The following PMF1 variants were observed in gnomAD, a reference collection of about 807,000 sequenced individuals.
The protein encoded by PMF1 is polyamine modulated factor 1, also known as polyamine-modulated factor 1.
PMF1 carries 21 observed loss-of-function variants against 26.7 expected under a neutral mutation model. The observed-to-expected ratio is 0.79, with a 90% CI of 0.56 to 1.13. The LOEUF is 1.13. Ranked by LOEUF, PMF1 falls within the 50% of genes most tolerant of loss-of-function variation. PMF1 has a pLI of 0.00. For missense variants in PMF1, 266 were observed against 254.9 expected (o/e 1.04, Z -0.30); for synonymous variants, 105 against 101.0 (o/e 1.04, Z -0.24).
At chr1:156,218,082 G>A (rs1657877116) in intron 1 of PMF1, among the ~76,000 whole-genome samples, 1 of 152,288 alleles carries the variant, frequency 6.6e-6, no homozygotes, top group South Asian at 2.1e-4. Context: ...GTGTGAAAGC[G>A]GTATCTTGTT....
intron 1 of PMF1, among the ~76,000 whole-genome samples, chr1:156,227,054 T>C (rs1658407680): frequency 6.6e-6 from 1 of 152,104 alleles, no homozygotes; most frequent in African/African-American, 2.4e-5. Flanking sequence ...AGTCACCCAG[T>C]CTACAGAGCG....
chr1:156,238,234 G>A (rs1659150694), intron 4 of PMF1, among the ~76,000 whole-genome samples: 1 of 152,144 alleles, frequency 6.6e-6, no homozygotes, highest in Non-Finnish European at 1.5e-5. Context: ...TGTTCTTTGT[G>A]CTCAGGATTA....
intron 1 of PMF1, among the ~76,000 whole-genome samples, chr1:156,221,260 TACTC>T (rs1572485026): frequency 6.6e-6 from 1 of 152,216 alleles, no homozygotes. Flanking sequence ...GCTGCACTCA[TACTC>T]ACTCATACTG....
At chr1:156,223,203 C>T (rs544716860) in intron 1 of PMF1, 3 of 152,270 alleles carry the variant, frequency 2.0e-5, no homozygotes, top group Non-Finnish European at 2.9e-5. Context: ...TGTTTCCAGA[C>T]CATCCACCTC....
At chr1:156,230,209 C>G (rs1558194611) in intron 1 of PMF1, among the ~76,000 whole-genome samples, 2 of 152,342 alleles carry the variant, frequency 1.3e-5, no homozygotes, top group East Asian at 1.9e-4. Flanking sequence ...AAGGAGCATC[C>G]TGACCTACAG....
chr1:156,235,329 G>A (rs1451442894), intron 3 of PMF1, among the ~76,000 whole-genome samples: 1 of 150,520 alleles, frequency 6.6e-6, no homozygotes, highest in Non-Finnish European at 1.5e-5. Flanking sequence ...TCACCATGTT[G>A]GCCAGGCTGG....
In PMF1 at chr1:156,239,546, AG is replaced by A; in HGVS notation, c.565del. ...TTGTCTGTTGTCTCCCATTGATTTC[AG>A]GCTCTACACAGAGAACAGAGGGAGC... On this transcript the variant is annotated splice_acceptor_variant, in intron 4 of 4. Coordinates refer to ENST00000368277, the MANE Select transcript of PMF1 (RefSeq NM_007221.4). LOFTEE classifies it high-confidence loss of function. 1.2e-6 allele frequency: 2 copies of A among 1,612,092 alleles called. No homozygotes were observed. The highest frequency in any genetic ancestry group is 1.7e-6 in the Non-Finnish European group (2 of 1,179,098).
Position 156,213,195 on chromosome 1 carries a change from C to T in PMF1, c.161+19C>T, listed in dbSNP as rs769724229. ...CCGGCAGGTAAAGTGGACGCAGCCGCGGTGGGAGTGTTTGTTGGCACCGAA... is the reference window on the plus strand; with the variant it reads ...CCGGCAGGTAAAGTGGACGCAGCCGTGGTGGGAGTGTTTGTTGGCACCGAA... On this transcript the variant is annotated intron_variant, in intron 1 of 4. Coordinates refer to ENST00000368277, the MANE Select transcript of PMF1 (RefSeq NM_007221.4). The T allele has an allele frequency of 2.2e-5, 36 of 1,609,484 alleles. No homozygotes were observed. Among genetic ancestry groups the T allele is most frequent in the Non-Finnish European group, 3.0e-5 (35 of 1,176,574 alleles).
intron 1 of PMF1, among the ~76,000 whole-genome samples, chr1:156,227,334 TCTTTACTAAAAATACAAAAATTAG>T (rs1658422192): frequency 6.6e-6 from 1 of 151,728 alleles, no homozygotes; most frequent in African/African-American, 2.4e-5. Context: ...TGAAACCCTG[TCTTTACTAAAAATACAAAAATTAG>T]CTGGGCGTGG....
chr1:156,238,182 C>A (rs535563013), intron 4 of PMF1, among the ~76,000 whole-genome samples: 2 of 152,280 alleles, frequency 1.3e-5, no homozygotes, highest in South Asian at 4.1e-4. Flanking sequence ...GTTACTAGAG[C>A]CTTGTACAAT....
chr1:156,231,311 C>T (rs1419000335), intron 1 of PMF1, among the ~76,000 whole-genome samples: 1 of 149,966 alleles, frequency 6.7e-6, no homozygotes, highest in Non-Finnish European at 1.5e-5. Flanking sequence ...CAAGAGGATC[C>T]CTTGAGCCCA....
intron 1 of PMF1, among the ~76,000 whole-genome samples, chr1:156,216,074 AG>A (rs1334735399): frequency 6.6e-6 from 1 of 152,110 alleles, no homozygotes; most frequent in Non-Finnish European, 1.5e-5. Context: ...TTCTTGGAGT[AG>A]ACATTCTGGT....
chr1:156,229,841 G>A (rs918683295), intron 1 of PMF1, among the ~76,000 whole-genome samples: 5 of 152,162 alleles, frequency 3.3e-5, no homozygotes, highest in African/African-American at 1.2e-4. Context: ...CCAAAGTGCT[G>A]AGATTACAGG....
chr1:156,214,288 C>T (rs921467076), intron 1 of PMF1, among the ~76,000 whole-genome samples: 2 of 152,140 alleles, frequency 1.3e-5, no homozygotes, highest in Non-Finnish European at 2.9e-5. Context: ...AGTGTTGAAA[C>T]GCTTCCAGGA....
At chr1:156,225,631 T>C in intron 1 of PMF1, 1 of 1,563,326 alleles carries the variant, frequency 6.4e-7, no homozygotes, top group Non-Finnish European at 8.7e-7. Context: ...AAACAGGCCT[T>C]CAGTTGGGCG....
At chr1:156,236,542 A>G in intron 4 of PMF1, 59 bp downstream of exon 4, 13 of 1,524,308 alleles carry the variant, frequency 8.5e-6, no homozygotes, top group Non-Finnish European at 1.1e-5. Context: ...TGAGATCCGC[A>G]AATTGGTGGC....
rs1198862126 is a variant in PMF1, at chr1:156,236,489, T to C, written c.564+6T>C. On this transcript the variant is annotated splice_donor_region_variant and intron_variant, in intron 4 of 4. Transcript: ENST00000368277. Reference sequence around the variant, plus strand: ...CCCAGCAGCAGGCCTGGCAGGTCAGTGTCCCAGCCTGCCTCTTCCTCTTCC... The same window carrying C: ...CCCAGCAGCAGGCCTGGCAGGTCAGCGTCCCAGCCTGCCTCTTCCTCTTCC... The C allele has an allele frequency of 4.4e-6, 7 of 1,598,666 alleles. No homozygotes were observed. In the South Asian group the frequency reaches 6.7e-5, roughly 15 times the overall value.
rs945270995 is a variant in PMF1, at chr1:156,228,239, A to G, written c.162-4081A>G. Among the ~76,000 whole-genome samples the G allele has an allele frequency of 3.0e-4, 35 of 117,874 alleles. 2 individuals carry two copies. Among genetic ancestry groups the G allele is most frequent in the African/African-American group, 1.1e-3 (32 of 30,444 alleles). The allele number at this position is 117,874 out of a possible 152,430, so 77.3% of individuals were successfully genotyped here. On this transcript the variant is annotated intron_variant, in intron 1 of 4. Coordinates refer to ENST00000368277, the MANE Select transcript of PMF1 (RefSeq NM_007221.4). ...CCAAAGTGCTGGGATTACAGGCGTG[A>G]GCCACCGCACCTGGCGATTTTTTTT...
At chr1:156,231,185 C>G (rs1334194557) in intron 1 of PMF1, among the ~76,000 whole-genome samples, 1 of 137,640 alleles carries the variant, frequency 7.3e-6, no homozygotes, top group Non-Finnish European at 1.5e-5. Context: ...CCACTGCACT[C>G]CAGCCTGGGC....
Sources: allele counts gnomAD v4.1 joint callset (sites outside exome capture counted in the v4.1 genomes callset), GRCh38; gene constraint gnomAD v4.1.1; transcripts MANE v1.5; gene names NCBI Gene and HGNC (gene_info 2026-07-23, HGNC 2026-07-21).